Variants in STN1 observed in about 807,000 individuals in gnomAD.
STN1 encodes the protein CST complex subunit STN1.
STN1 carries 29 observed loss-of-function variants against 45.5 expected under a neutral mutation model. That is an observed-to-expected ratio of 0.64 (90% confidence interval 0.47 to 0.87). The LOEUF (loss-of-function observed/expected upper bound fraction) is 0.87, where lower values mean the gene tolerates loss of function less well. STN1 is among the 40% of genes least tolerant of loss of function. STN1 has a pLI of 0.00. For missense variants in STN1, 376 were observed against 441.4 expected, an observed-to-expected ratio of 0.85 and a Z score of 1.33; for synonymous variants, 148 against 159.0, an observed-to-expected ratio of 0.93 and a Z score of 0.52.
chr10:103,905,759 G>A (rs901128188), intron 3 of STN1, among the ~76,000 whole-genome samples: 10 of 152,248 alleles, frequency 6.6e-5, no homozygotes, highest in Non-Finnish European at 1.3e-4. Context: ...GAAGGGCACC[G>A]TTTTATTTTC....
chr10:103,908,128 CAA>C (rs34156487), intron 3 of STN1, among the ~76,000 whole-genome samples: 65,053 of 138,504 alleles, frequency 0.47, 14,768 homozygotes, highest in Admixed American at 0.52. Context: ...GACTCCATCT[CAA>C]AAAAAAAAAA....
At chr10:103,899,952 A>G in intron 5 of STN1, 110 bp downstream of exon 5, 1 of 864,622 alleles carries the variant, frequency 1.2e-6, no homozygotes, top group East Asian at 2.5e-5. Context: ...CATTAAATAG[A>G]GTTATACCTT....
intron 5 of STN1, 32 bp downstream of exon 5, chr10:103,900,030 C>G: frequency 6.2e-7 from 1 of 1,605,522 alleles, no homozygotes; most frequent in Non-Finnish European, 8.5e-7. Flanking sequence ...TCCAGAAAAA[C>G]CACCAATTTG....
intron 5 of STN1, 107 bp downstream of exon 5, chr10:103,899,955 T>C (rs1843196074): frequency 2.2e-6 from 2 of 926,486 alleles, no homozygotes; most frequent in Admixed American, 4.4e-5. Context: ...TAAATAGAGT[T>C]ATACCTTAAC....
chr10:103,896,393 G>C (rs552610839), intron 7 of STN1, among the ~76,000 whole-genome samples: 5 of 152,112 alleles, frequency 3.3e-5, no homozygotes, highest in African/African-American at 1.2e-4. Context: ...GCAGCTAGAC[G>C]GCCAGGGAGG....
At position 103,900,066 on chromosome 10, in the gene STN1, A is replaced by C; in HGVS notation, c.453T>G (p.Thr151=). 3 of 1,613,966 alleles carry C rather than the reference A, an allele frequency of 1.9e-6. No individual in the cohort carries two copies. Among genetic ancestry groups the C allele is most frequent in the Non-Finnish European group, 1.7e-6 (2 of 1,179,892 alleles). The stretch of plus-strand genomic sequence containing the variant: ...GTAGAAATATCTTGTGCTTACAGTA[A>C]GTGGTGGCATGAATCTCTCGCTCTT... ...YREEREIHAT[T]YYKVDDPVWN... is the part of the protein sequence containing the mutation. Residue 151 remains threonine (T), a synonymous_variant, in exon 5 of 10, where the codon ACT becomes ACG. Transcript: ENST00000224950.
chr10:103,884,039 G>C (rs1330211935), intron 9 of STN1, among the ~76,000 whole-genome samples: 2 of 134,220 alleles, frequency 1.5e-5, no homozygotes, highest in African/African-American at 5.8e-5. Flanking sequence ...GCAGTGAGCC[G>C]AGATTGCGCC....
At chr10:103,914,368 A>T (rs1219434907) in intron 2 of STN1, among the ~76,000 whole-genome samples, 6,754 of 15,164 alleles carry the variant, frequency 0.45, 880 homozygotes, top group African/African-American at 0.54. Context: ...ATATATATAT[A>T]TATATATTTT....
chr10:103,907,546 G>A (rs1359636003), intron 3 of STN1, among the ~76,000 whole-genome samples: 1 of 152,112 alleles, frequency 6.6e-6, no homozygotes, highest in East Asian at 1.9e-4. Context: ...TAAGGAAATA[G>A]GCATTTCTAT....
rs1019842992 is a variant in STN1, at chr10:103,898,865, G to A, written c.581+12C>T. On this transcript the variant is annotated intron_variant, in intron 6 of 9. Transcript: ENST00000224950. ...GTGGTCACGTGCTCAGCAGTGATAA[G>A]TCACCACTTACCTTAGTGCCTCTTC... The A allele has an allele frequency of 6.2e-7, 1 of 1,613,482 alleles. No individual in the cohort carries two copies. Among genetic ancestry groups the A allele is most frequent in the Non-Finnish European group, 8.5e-7 (1 of 1,179,856 alleles).
intron 9 of STN1, among the ~76,000 whole-genome samples, chr10:103,884,293 G>A (rs1490251700): frequency 6.6e-6 from 1 of 151,786 alleles, no homozygotes; most frequent in Non-Finnish European, 1.5e-5. Flanking sequence ...CCTATTAGGG[G>A]ATAACGAAAC....
At chr10:103,883,767 A>T (rs936916840) in intron 9 of STN1, among the ~76,000 whole-genome samples, 1 of 151,658 alleles carries the variant, frequency 6.6e-6, no homozygotes, top group Non-Finnish European at 1.5e-5. Flanking sequence ...GTATCAGCCC[A>T]CTCCCTGTCC....
rs1843334218 is a variant in STN1, at chr10:103,916,704, C to CT, written c.133+757dup. ...TGGCTATTTGTGAATTATTACACAG[C>CT]TACGTGAATTATTTAAATCCACCCC... On this transcript the variant is annotated intron_variant, in intron 2 of 9. Coordinates refer to ENST00000224950, the MANE Select transcript of STN1 (RefSeq NM_024928.5). Among the ~76,000 whole-genome samples the CT allele has an allele frequency of 2.0e-5, 3 of 151,262 alleles. No homozygotes were observed. The South Asian group carries it at 6.2e-4, about 31-fold the overall frequency.
chr10:103,895,393 C>G (rs149517680), intron 7 of STN1, among the ~76,000 whole-genome samples: 1 of 152,162 alleles, frequency 6.6e-6, no homozygotes, highest in Non-Finnish European at 1.5e-5. Flanking sequence ...ATATGGTCTT[C>G]GCTAAGCTTT....
chr10:103,900,375 T>C, intron 4 of STN1, 152 bp from the exon 5 acceptor site: 1 of 734,718 alleles, frequency 1.4e-6, no homozygotes, highest in Non-Finnish European at 2.2e-6. Flanking sequence ...CCACATAACC[T>C]TTTGGAGTAC....
Position 103,878,247 on chromosome 10 carries a change from C to T in STN1, c.*4437G>A, listed in dbSNP as rs1589493251. ...GTTCACACCTCCTGAAACATGTGCA[C>T]ACTAAGAGAACTGGAGAATGTTTGC... On this transcript the variant is annotated 3_prime_UTR_variant, in exon 10 of 10. Coordinates refer to ENST00000224950, the MANE Select transcript of STN1 (RefSeq NM_024928.5). The T allele has an allele frequency of 6.6e-6, 1 of 152,248 alleles. No individual in the cohort carries two copies. Among genetic ancestry groups the T allele is most frequent in the East Asian group, 1.9e-4 (1 of 5,196 alleles). 9.4% of individuals were successfully genotyped at this position (152,248 alleles called of 1,614,324 possible).
rs931017379 is a variant in STN1 at position 103,878,904 on chromosome 10, G to A, written c.*3780C>T. ...TAAGGCAGGGAGGGTGAGGCTGGTG[G>A]TTATCAGGTTAGCTGCTCCTGTGGG... On this transcript the variant is annotated 3_prime_UTR_variant, in exon 10 of 10. Coordinates refer to ENST00000224950, the MANE Select transcript of STN1 (RefSeq NM_024928.5). 2 of 152,564 alleles carry A rather than the reference G, an allele frequency of 1.3e-5. No homozygotes were observed. Among genetic ancestry groups the A allele is most frequent in the African/African-American group, 4.8e-5 (2 of 41,448 alleles). The allele number at this position is 152,564 out of a possible 1,614,324, so 9.5% of individuals were successfully genotyped here.
Position 103,879,341 on chromosome 10 carries a change from T to C in STN1, c.*3343A>G, listed in dbSNP as rs912040093. 3 of 152,204 alleles carry C rather than the reference T, an allele frequency of 2.0e-5. No homozygotes were observed. The highest frequency in any genetic ancestry group is 7.2e-5 in the African/African-American group (3 of 41,392). The allele number at this position is 152,204 out of a possible 1,614,324, so 9.4% of individuals were successfully genotyped here. A position where few individuals can be genotyped will look rare whatever the true frequency, so the allele number is the denominator to read the frequency against. On this transcript the variant is annotated 3_prime_UTR_variant, in exon 10 of 10. Coordinates refer to ENST00000224950, the MANE Select transcript of STN1 (RefSeq NM_024928.5). ...GCAAGTAAGAAACCATGGAGTGTGT[T>C]AGGCAGTATCAAGTACTGTGAAGAA...
intron 7 of STN1, among the ~76,000 whole-genome samples, chr10:103,894,905 G>T (rs895887934): frequency 2.0e-5 from 3 of 152,074 alleles, no homozygotes; most frequent in African/African-American, 7.2e-5. Flanking sequence ...TTGCTAAGAA[G>T]GACCACTATG....
Sources: gnomAD v4.1 joint callset for allele counts (sites outside exome capture counted in the v4.1 genomes callset) on GRCh38, gnomAD v4.1.1 for gene constraint, MANE v1.5 for transcripts, NCBI Gene and HGNC (gene_info 2026-07-23, HGNC 2026-07-21) for gene names.